SPAST: variants seen among roughly 807,000 people sequenced by gnomAD.
The protein encoded by SPAST is spastic paraplegia 4 (autosomal dominant; spastin).
A neutral mutation model predicts 76.6 loss-of-function variants in SPAST; 30 were observed. The observed-to-expected ratio is 0.39, with a 90% confidence interval of 0.29 to 0.53. SPAST has a LOEUF of 0.53. SPAST is among the 20% of genes least tolerant of loss of function. SPAST has a pLI of 0.68. For synonymous variants in SPAST, 305 were observed against 281.0 expected (o/e 1.09, Z -0.86); for missense variants, 717 against 770.5 (o/e 0.93, Z 0.82).
intron 12 of SPAST, among the ~76,000 whole-genome samples, chr2:32,138,026 A>G (rs1558337678): frequency 6.6e-6 from 1 of 152,176 alleles, no homozygotes; most frequent in African/African-American, 2.4e-5. Context: ...ATAGTATTCC[A>G]TGGTGTGTAC....
Position 32,088,207 on chromosome 2 carries a change from T to A in SPAST, c.502+629T>A, listed in dbSNP as rs570058375. On this transcript the variant is annotated intron_variant, in intron 2 of 16. Coordinates refer to ENST00000315285, the MANE Select transcript of SPAST (RefSeq NM_014946.4). ...GCCACACTTAGCTAATTAAAAAAAA[T>A]TTTTTTGTAGAGACAGGGTCTCACT... 9.7e-3 allele frequency among the ~76,000 whole-genome samples: 1,468 copies of A among 151,578 alleles called. 27 individuals carry two copies. Among genetic ancestry groups the A allele is most frequent in the South Asian group, 0.051 (241 of 4,772 alleles).
intron 16 of SPAST, among the ~76,000 whole-genome samples, chr2:32,149,368 G>A (rs1680002178): frequency 6.6e-6 from 1 of 151,796 alleles, no homozygotes; most frequent in Admixed American, 6.6e-5. Flanking sequence ...TAAGTGCAAG[G>A]ATTACAGGCG....
intron 4 of SPAST, among the ~76,000 whole-genome samples, chr2:32,110,856 G>C (rs1003434109): frequency 8.4e-6 from 1 of 119,074 alleles, no homozygotes; most frequent in African/African-American, 3.3e-5. Flanking sequence ...AGTATATAGA[G>C]TATATATACA....
In SPAST at chr2:32,083,675, ATT is replaced by A. The variant is rs1314379905; in HGVS notation, c.416-3813_416-3812del. ...GCCTACTATATATATATATATATAT[ATT>A]TTTATGCTATATATAGAGTATATAT... On this transcript the variant is annotated intron_variant, in intron 1 of 16. Coordinates refer to ENST00000315285, the MANE Select transcript of SPAST (RefSeq NM_014946.4). Among the ~76,000 whole-genome samples the A allele has an allele frequency of 8.9e-4, 87 of 97,500 alleles. 3 individuals are homozygous for A. Among genetic ancestry groups the A allele is most frequent in the East Asian group, 5.0e-3 (16 of 3,200 alleles). 64.0% of individuals were successfully genotyped at this position (97,500 alleles called of 152,430 possible).
rs1017188882 is a variant in SPAST, at chr2:32,111,352, A to G, written c.683-3286A>G. Among the ~76,000 whole-genome samples the G allele has an allele frequency of 8.6e-5, 11 of 128,186 alleles. 1 individual carries two copies. The highest frequency in any genetic ancestry group is 1.7e-4 in the Non-Finnish European group (10 of 57,212). The allele number at this position is 128,186 out of a possible 152,430, so 84.1% of individuals were successfully genotyped here. A position where few individuals can be genotyped will look rare whatever the true frequency, so the allele number is the denominator to read the frequency against. ...ATAGCGTATATATACAGTATACTGT[A>G]TAGTGTGTATAGCGTATATATAGTA... is the stretch of plus-strand genomic sequence containing the variant. On this transcript the variant is annotated intron_variant, in intron 4 of 16. Coordinates refer to ENST00000315285, the MANE Select transcript of SPAST (RefSeq NM_014946.4).
chr2:32,118,249 A>G (rs893328788), intron 7 of SPAST, among the ~76,000 whole-genome samples: 1 of 152,276 alleles, frequency 6.6e-6, no homozygotes, highest in Middle Eastern at 3.4e-3. Context: ...AGTCATTCAC[A>G]TACTGCCTTT....
chr2:32,121,981 T>C lies in SPAST; in HGVS notation c.1099-4967T>C, dbSNP rs75901178. Among the ~76,000 whole-genome samples, 1,273 of 152,340 alleles carry C rather than the reference T, an allele frequency of 8.4e-3. 22 individuals are homozygous for C. Among genetic ancestry groups the C allele is most frequent in the African/African-American group, 0.029 (1,187 of 41,584 alleles). On this transcript the variant is annotated intron_variant, in intron 7 of 16. Coordinates refer to ENST00000315285, the MANE Select transcript of SPAST (RefSeq NM_014946.4). Reference sequence around the variant, plus strand: ...CCTTAAGCTTTTTCATATTGGAAGCTTCTCTCAAATGTCTGGTTATTCTGG... The same window carrying C: ...CCTTAAGCTTTTTCATATTGGAAGCCTCTCTCAAATGTCTGGTTATTCTGG...
At chr2:32,076,351 T>G (rs1676962172) in intron 1 of SPAST, among the ~76,000 whole-genome samples, 1 of 152,204 alleles carries the variant, frequency 6.6e-6, no homozygotes, top group Non-Finnish European at 1.5e-5. Context: ...TGTTTGCTAG[T>G]GAAAGCAAAT....
chr2:32,134,851 A>T (rs1228084489), intron 9 of SPAST, among the ~76,000 whole-genome samples: 1 of 151,290 alleles, frequency 6.6e-6, no homozygotes, highest in South Asian at 2.1e-4. Flanking sequence ...ATGCGCCACC[A>T]CGCCCGGCTA....
rs34216464 is a variant in SPAST at position 32,087,861 on chromosome 2, AATTATTATT to A, written c.502+306_502+314del. 1.3e-4 allele frequency among the ~76,000 whole-genome samples: 19 copies of A among 141,352 alleles called. No homozygotes were observed. In the South Asian group the frequency reaches 1.6e-3, roughly 12 times the overall value. 92.7% of individuals were successfully genotyped at this position (141,352 alleles called of 152,430 possible). A position where few individuals can be genotyped will look rare whatever the true frequency, so the allele number is the denominator to read the frequency against. ...CAGGCGCACACTACCATACTTAGCT[AATTATTATT>A]ATTATTATTATTATTATTATTACTA... On this transcript the variant is annotated intron_variant, in intron 2 of 16. Transcript: ENST00000315285.
chr2:32,063,695 C>G lies in SPAST; in HGVS notation c.-137C>G, dbSNP rs1676374680. The G allele has an allele frequency of 6.9e-6, 8 of 1,152,350 alleles. No homozygotes were observed. The highest frequency in any genetic ancestry group is 8.4e-6 in the Non-Finnish European group (7 of 834,222). 71.4% of individuals were successfully genotyped at this position (1,152,350 alleles called of 1,614,324 possible). ...AGGGGCGGGGCCGGCGGGCAGCGTG[C>G]GGCAGTGCGGAGCTCCTGAGACCGG... On this transcript the variant is annotated 5_prime_UTR_variant, in exon 1 of 17. Transcript: ENST00000315285.
Position 32,156,528 on chromosome 2 carries a change from A to T in SPAST, c.*2032A>T, listed in dbSNP as rs1374380577. ...GGGTAGTATCCCTTTAAGGTCTCAA[A>T]CATTACAACATCAATTATGAAATAC... On this transcript the variant is annotated 3_prime_UTR_variant, in exon 17 of 17. Transcript: ENST00000315285. 1 of 152,122 alleles carries T rather than the reference A, an allele frequency of 6.6e-6. No homozygotes were observed. The highest frequency in any genetic ancestry group is 1.5e-5 in the Non-Finnish European group (1 of 68,036). 9.4% of individuals were successfully genotyped at this position (152,122 alleles called of 1,614,324 possible).
chr2:32,065,754 C>T (rs902491058), intron 1 of SPAST, among the ~76,000 whole-genome samples: 1 of 152,154 alleles, frequency 6.6e-6, no homozygotes, highest in Non-Finnish European at 1.5e-5. Context: ...GTGTCTGTCT[C>T]TACTGCCAAC....
chr2:32,120,333 G>C (rs1678977150), intron 7 of SPAST, among the ~76,000 whole-genome samples: 1 of 151,818 alleles, frequency 6.6e-6, no homozygotes, highest in South Asian at 2.1e-4. Context: ...TTCTACTCCT[G>C]TCCTCCCACT....
At chr2:32,078,903 G>A (rs1302202651) in intron 1 of SPAST, among the ~76,000 whole-genome samples, 1 of 152,098 alleles carries the variant, frequency 6.6e-6, no homozygotes, top group Non-Finnish European at 1.5e-5. Context: ...CCAGGTTGGA[G>A]TGAAGTGGTA....
At chr2:32,065,870 G>A (rs1676488898) in intron 1 of SPAST, 1 of 152,110 alleles carries the variant, frequency 6.6e-6, no homozygotes. Context: ...TCATTGTTTT[G>A]GACAGTAAGG....
At chr2:32,143,497 C>T (rs1679788966) in intron 14 of SPAST, 82 bp downstream of exon 14, 2 of 863,524 alleles carry the variant, frequency 2.3e-6, no homozygotes, top group South Asian at 3.1e-5. Context: ...TTAAAGTAAT[C>T]TTAAGTATGA....
Position 32,147,304 on chromosome 2 carries a change from GACATATATAAGACAT to G in SPAST, c.1728+55_1728+69del, listed in dbSNP as rs771927630. 191 of 1,008,480 alleles carry G rather than the reference GACATATATAAGACAT, an allele frequency of 1.9e-4. 1 individual carries two copies. Among genetic ancestry groups the G allele is most frequent in the Middle Eastern group, 2.6e-4 (1 of 3,774 alleles). The allele number at this position is 1,008,480 out of a possible 1,614,324, so 62.5% of individuals were successfully genotyped here. ...ATTTTCTTTGTCTTCTATATTGTAAGACATATATAAGACATACATATATGAATGTGTGTGTGTGTG... is the reference window on the plus strand; with the variant it reads ...ATTTTCTTTGTCTTCTATATTGTAAGACATATATGAATGTGTGTGTGTGTG... On this transcript the variant is annotated intron_variant, in intron 16 of 16. Coordinates refer to ENST00000315285, the MANE Select transcript of SPAST (RefSeq NM_014946.4).
At chr2:32,128,835 C>G in intron 9 of SPAST, 1 of 294,390 alleles carries the variant, frequency 3.4e-6, no homozygotes, top group South Asian at 3.3e-5. Flanking sequence ...GTGTGCCTCT[C>G]TCCTGGCTTC....
Sources: allele counts gnomAD v4.1 joint callset (sites outside exome capture counted in the v4.1 genomes callset), GRCh38; gene constraint gnomAD v4.1.1; transcripts MANE v1.5; gene names NCBI Gene and HGNC (gene_info 2026-07-23, HGNC 2026-07-21).